Variants in SNX3 observed in about 807,000 individuals in gnomAD.
SNX3 encodes the protein sorting nexin-3.
SNX3 carries 5 observed loss-of-function variants against 17.7 expected under a neutral mutation model. The observed-to-expected ratio is 0.28, with a 90% CI of 0.15 to 0.59. The LOEUF is 0.59. Ranked by LOEUF, SNX3 falls within the 20% of genes least tolerant of loss-of-function variation. The pLI, the probability that SNX3 is intolerant of heterozygous loss-of-function variation, is 0.88. For missense variants in SNX3, 132 were observed against 206.8 expected (o/e 0.64, Z 2.22); for synonymous variants, 91 against 76.5 (o/e 1.19, Z -0.99).
intron 1 of SNX3, among the ~76,000 whole-genome samples, chr6:108,233,438 C>T (rs145391858): frequency 4.9e-4 from 74 of 152,260 alleles, no homozygotes; most frequent in Non-Finnish European, 8.4e-4. Context: ...ACTCAAGTGA[C>T]GCCAACTAGA....
At chr6:108,236,852 A>G (rs1279870704) in intron 1 of SNX3, among the ~76,000 whole-genome samples, 2 of 152,244 alleles carry the variant, frequency 1.3e-5, no homozygotes, top group African/African-American at 2.4e-5. Context: ...GTGATTAGCT[A>G]TAACAGCAAC....
In SNX3 at chr6:108,260,984, G is replaced by A. The variant is rs1776186267; in HGVS notation, c.-63C>T. 12 of 1,394,460 alleles carry A rather than the reference G, an allele frequency of 8.6e-6. No individual in the cohort carries two copies. In the South Asian group the frequency reaches 9.2e-5, roughly 11 times the overall value. 86.4% of individuals were successfully genotyped at this position (1,394,460 alleles called of 1,614,324 possible). A position where few individuals can be genotyped will look rare whatever the true frequency, so the allele number is the denominator to read the frequency against. On this transcript the variant is annotated 5_prime_UTR_variant, in exon 1 of 4. Transcript: ENST00000230085. ...GCCCCCTCCGCGTTCAGCCGCCGCC[G>A]CCGCCGCTGCTGCCCGCCGTGGGGA...
intron 2 of SNX3, among the ~76,000 whole-genome samples, chr6:108,217,339 G>A (rs1439416767): frequency 6.6e-6 from 1 of 152,048 alleles, no homozygotes; most frequent in Non-Finnish European, 1.5e-5. Flanking sequence ...CATTCAAATG[G>A]ATGGGGAGGT....
intron 1 of SNX3, among the ~76,000 whole-genome samples, chr6:108,236,774 A>C (rs1775358045): frequency 6.6e-6 from 1 of 152,218 alleles, no homozygotes; most frequent in Non-Finnish European, 1.5e-5. Context: ...CATGAAAATG[A>C]ATGTTTAATA....
At chr6:108,250,806 A>G (rs1775832417) in intron 1 of SNX3, among the ~76,000 whole-genome samples, 1 of 152,250 alleles carries the variant, frequency 6.6e-6, no homozygotes, top group African/African-American at 2.4e-5. Flanking sequence ...GGAAAGCCAA[A>G]AGAAATGCTC....
intron 1 of SNX3, among the ~76,000 whole-genome samples, chr6:108,230,552 C>T (rs1775113962): frequency 6.6e-6 from 1 of 152,116 alleles, no homozygotes; most frequent in Non-Finnish European, 1.5e-5. Flanking sequence ...TAAGCCACAG[C>T]CTTCATCTAT....
chr6:108,222,252 CTT>C (rs1562421968), intron 2 of SNX3: 2 of 1,304,272 alleles, frequency 1.5e-6, no homozygotes, highest in Non-Finnish European at 2.0e-6. Context: ...CACAAAATAA[CTT>C]TTCATCATTC....
chr6:108,259,568 A>G (rs1411517832), intron 1 of SNX3, among the ~76,000 whole-genome samples: 1 of 152,212 alleles, frequency 6.6e-6, no homozygotes, highest in Non-Finnish European at 1.5e-5. Context: ...AGAAGACAAC[A>G]GTGGCTTGAA....
chr6:108,253,238 T>C (rs1029417308), intron 1 of SNX3, among the ~76,000 whole-genome samples: 1 of 152,138 alleles, frequency 6.6e-6, no homozygotes, highest in Non-Finnish European at 1.5e-5. Context: ...TTATAAAGAT[T>C]CCTTTTTTGA....
chr6:108,252,830 G>A (rs2114766848), intron 1 of SNX3, among the ~76,000 whole-genome samples: 1 of 152,070 alleles, frequency 6.6e-6, no homozygotes, highest in South Asian at 2.1e-4. Flanking sequence ...TAGATATGGG[G>A]TTTTGCCATG....
At chr6:108,217,809 G>A (rs972747603) in intron 2 of SNX3, among the ~76,000 whole-genome samples, 3 of 151,736 alleles carry the variant, frequency 2.0e-5, no homozygotes, top group Non-Finnish European at 4.4e-5. Context: ...AGATATGTGC[G>A]TGCATGTGGG....
At chr6:108,243,665 T>C (rs1775592720) in intron 1 of SNX3, among the ~76,000 whole-genome samples, 1 of 152,234 alleles carries the variant, frequency 6.6e-6, no homozygotes, top group African/African-American at 2.4e-5. Flanking sequence ...GCTTGGTGGC[T>C]GACACCTGTA....
chr6:108,258,732 CTTCT>C (rs1342895534), intron 1 of SNX3, among the ~76,000 whole-genome samples: 3 of 151,884 alleles, frequency 2.0e-5, no homozygotes, highest in African/African-American at 7.3e-5. Context: ...TGGTCTCAAA[CTTCT>C]GAGCTCAAGG....
intron 1 of SNX3, among the ~76,000 whole-genome samples, chr6:108,245,444 G>C (rs1367487678): frequency 6.6e-6 from 1 of 152,214 alleles, no homozygotes; most frequent in Non-Finnish European, 1.5e-5. Flanking sequence ...ATAGTAGAAT[G>C]ATTTATAATC....
intron 1 of SNX3, among the ~76,000 whole-genome samples, chr6:108,237,985 T>A (rs146685170): frequency 0.018 from 2,727 of 150,050 alleles, 39 homozygotes; most frequent in Middle Eastern, 0.075. Flanking sequence ...TAGTCTCAGC[T>A]ACTCGGGAGG....
intron 1 of SNX3, among the ~76,000 whole-genome samples, chr6:108,251,803 G>A (rs921296563): frequency 6.6e-6 from 1 of 152,128 alleles, no homozygotes; most frequent in Non-Finnish European, 1.5e-5. Context: ...AGGCGCGGTG[G>A]CTCATGCCTG....
At chr6:108,232,625 G>C (rs1326221592) in intron 1 of SNX3, among the ~76,000 whole-genome samples, 4 of 152,156 alleles carry the variant, frequency 2.6e-5, no homozygotes, top group Non-Finnish European at 5.9e-5. Flanking sequence ...TCTTCAGATA[G>C]TGTCACGTGT....
At chr6:108,231,204 G>A (rs985062804) in intron 1 of SNX3, among the ~76,000 whole-genome samples, 4 of 151,780 alleles carry the variant, frequency 2.6e-5, no homozygotes, top group Non-Finnish European at 5.9e-5. Context: ...TCCTGCCTCA[G>A]CCTTCCGAGT....
intron 1 of SNX3, among the ~76,000 whole-genome samples, chr6:108,246,355 T>C (rs1262112584): frequency 7.7e-6 from 1 of 130,014 alleles, no homozygotes; most frequent in Non-Finnish European, 1.6e-5. Context: ...GATAGGGTCA[T>C]GCTCTGTTGC....
Sources: gnomAD v4.1 joint callset for allele counts (sites outside exome capture counted in the v4.1 genomes callset) on GRCh38, gnomAD v4.1.1 for gene constraint, MANE v1.5 for transcripts, NCBI Gene and HGNC (gene_info 2026-07-23, HGNC 2026-07-21) for gene names.